Variants in CLIC5 observed in about 807,000 individuals in gnomAD.
CLIC5 encodes the protein chloride intracellular channel protein 5.
CLIC5 carries 20 observed loss-of-function variants against 24.7 expected under a neutral mutation model. The observed-to-expected ratio is 0.81, with a 90% CI of 0.57 to 1.18. CLIC5 has a LOEUF of 1.18. CLIC5 is among the 50% of genes most tolerant of loss of function. The probability of loss-of-function intolerance (pLI) is 0.00; values close to 1 mark genes in which losing one functional copy is unlikely to be tolerated. For synonymous variants in CLIC5, 159 were observed against 135.6 expected (o/e 1.17, Z -1.20); for missense variants, 341 against 326.1 (o/e 1.05, Z -0.35).
At position 45,978,323 on chromosome 6, in the gene CLIC5, C is replaced by G. The variant is rs1025857452; in HGVS notation, c.64-23079G>C. Among the ~76,000 whole-genome samples the G allele has an allele frequency of 2.0e-5, 3 of 152,258 alleles. No individual in the cohort carries two copies. In the South Asian group the frequency reaches 6.2e-4, roughly 32 times the overall value. ...TTCCTTGTCATTGTGTGATAAAATA[C>G]TCTTCTCTTTGACTGGGGATGGCTA... On this transcript the variant is annotated intron_variant, in intron 1 of 5. Coordinates refer to ENST00000339561, the MANE Select transcript of CLIC5 (RefSeq NM_016929.5).
intron 1 of CLIC5, among the ~76,000 whole-genome samples, chr6:46,071,861 A>T (rs1305943929): frequency 6.6e-6 from 1 of 152,222 alleles, no homozygotes; most frequent in African/African-American, 2.4e-5. Context: ...GGTAGACTGG[A>T]TAAAGAAAAT....
intron 1 of CLIC5, among the ~76,000 whole-genome samples, chr6:45,964,423 A>G (rs9357497): frequency 0.47 from 71,136 of 151,902 alleles, 17,861 homozygotes; most frequent in East Asian, 0.79. Flanking sequence ...GGCTTTTGTG[A>G]CTGCCTGGAT....
intron 1 of CLIC5, among the ~76,000 whole-genome samples, chr6:46,023,390 G>A (rs1238486878): frequency 6.6e-6 from 1 of 152,172 alleles, no homozygotes; most frequent in Non-Finnish European, 1.5e-5. Context: ...AAGGTCATGT[G>A]GATAGTTATA....
At chr6:46,019,017 A>T (rs1767096727), upstream of CLIC5, among the ~76,000 whole-genome samples, 1 of 152,136 alleles carries the variant, frequency 6.6e-6, no homozygotes, top group South Asian at 2.1e-4. Context: ...AGCCTGAGAA[A>T]AACTAGGTAT....
intron 1 of CLIC5, among the ~76,000 whole-genome samples, chr6:46,030,142 G>GT (rs1451805399): frequency 6.6e-6 from 1 of 152,092 alleles, no homozygotes; most frequent in Non-Finnish European, 1.5e-5. Context: ...CCTCCCTTGA[G>GT]TGTCCTAGTT....
the CLIC5 span, among the ~76,000 whole-genome samples, chr6:46,114,276 T>C: frequency 6.6e-6 from 1 of 152,206 alleles, no homozygotes; most frequent in African/African-American, 2.4e-5. Context: ...CTAGTTCCCA[T>C]ACCAGGGTTG....
intron 1 of CLIC5, among the ~76,000 whole-genome samples, chr6:45,966,046 C>T (rs1466828587): frequency 2.6e-5 from 4 of 152,122 alleles, no homozygotes; most frequent in Non-Finnish European, 4.4e-5. Context: ...TGAATATAGC[C>T]TCTTAATAGG....
intron 1 of CLIC5, among the ~76,000 whole-genome samples, chr6:45,999,649 T>G (rs1398297070): frequency 2.0e-5 from 3 of 151,848 alleles, no homozygotes; most frequent in Admixed American, 2.0e-4. Flanking sequence ...CTCAGCCTAC[T>G]CAATGTGAAG....
chr6:45,923,759 A>C (rs1325797429), intron 4 of CLIC5, among the ~76,000 whole-genome samples: 1 of 152,120 alleles, frequency 6.6e-6, no homozygotes, highest in Non-Finnish European at 1.5e-5. Context: ...TAAATGACAC[A>C]CTCTTGTTTA....
chr6:45,969,022 C>T (rs1765106681), intron 1 of CLIC5, among the ~76,000 whole-genome samples: 1 of 152,170 alleles, frequency 6.6e-6, no homozygotes, highest in African/African-American at 2.4e-5. Context: ...GCTTGAAAGA[C>T]ACTCTGTTCC....
chr6:45,906,782 G>A (rs192988134), intron 5 of CLIC5, among the ~76,000 whole-genome samples: 93 of 152,094 alleles, frequency 6.1e-4, no homozygotes, highest in East Asian at 4.3e-3. Context: ...GGCTGGTCTC[G>A]AACTCCCGAC....
In CLIC5 at chr6:45,941,554, G is replaced by A. The variant is rs1764130730; in HGVS notation, c.399C>T (p.Asn133=). 6.2e-7 allele frequency: 1 copy of A among 1,610,372 alleles called. No homozygotes were observed. Among genetic ancestry groups the A allele is most frequent in the South Asian group, 1.1e-5 (1 of 90,976 alleles). The stretch of plus-strand genomic sequence containing the variant: ...TGGAAGGGAGTCACTCACCAGCATT[G>A]TTCTGCTGCTTGGTATTTTTGATGT... ...SAYIKNTKQQ[N]NAALERGLTK... is the part of the protein sequence containing the mutation. The change falls in exon 4 of 6, where the codon AAC becomes AAT. Residue 133 remains asparagine (N), a synonymous_variant. Transcript: ENST00000339561.
intron 4 of CLIC5, among the ~76,000 whole-genome samples, chr6:45,931,939 T>C (rs6913874): frequency 0.021 from 3,176 of 151,676 alleles, 122 homozygotes; most frequent in African/African-American, 0.073. Context: ...GGATTATAGG[T>C]GTGTGCCACT....
chr6:46,057,770 C>A (rs1032399002), intron 1 of CLIC5, among the ~76,000 whole-genome samples: 3 of 152,212 alleles, frequency 2.0e-5, no homozygotes, highest in Non-Finnish European at 1.5e-5. Flanking sequence ...ATATGTGGTA[C>A]AACCTACACA....
intron 4 of CLIC5, among the ~76,000 whole-genome samples, chr6:45,919,896 A>G (rs1763186413): frequency 6.6e-6 from 1 of 152,194 alleles, no homozygotes. Flanking sequence ...AGAGAAAAAA[A>G]TGTTCAATCG....
chr6:46,022,183 G>C (rs1047283264), intron 1 of CLIC5, among the ~76,000 whole-genome samples: 3 of 152,194 alleles, frequency 2.0e-5, no homozygotes, highest in Non-Finnish European at 4.4e-5. Context: ...GTGTTTGTGT[G>C]TGTGTGTTAT....
rs67557243 is a variant in CLIC5 at position 46,036,306 on chromosome 6, C to CTTTTT, written c.540+43392_540+43396dup. Among the ~76,000 whole-genome samples the CTTTTT allele has an allele frequency of 3.7e-4, 33 of 88,184 alleles. 1 individual carries two copies. The highest frequency in any genetic ancestry group is 1.1e-3 in the African/African-American group (22 of 20,938). The allele number at this position is 88,184 out of a possible 152,430, so 57.9% of individuals were successfully genotyped here. On this transcript the variant is annotated intron_variant, in intron 1 of 5. Coordinates refer to the CLIC5 transcript ENST00000185206. Reference sequence around the variant, plus strand: ...TGTCTCCCCACCTAGACTGCAAGGTCTTTTTTTTTTTTTTTTTTTTTGAGA... The same window carrying CTTTTT: ...TGTCTCCCCACCTAGACTGCAAGGTCTTTTTTTTTTTTTTTTTTTTTTTTTTGAGA...
At chr6:45,897,430 G>T (rs1034723650), downstream of CLIC5, among the ~76,000 whole-genome samples, 2 of 151,990 alleles carry the variant, frequency 1.3e-5, no homozygotes, top group Non-Finnish European at 2.9e-5. Context: ...TGTGTGTAGG[G>T]TGGGGGAGTA....
At chr6:46,092,827 A>G in the CLIC5 span, among the ~76,000 whole-genome samples, 1 of 152,128 alleles carries the variant, frequency 6.6e-6, no homozygotes, top group African/African-American at 2.4e-5. Flanking sequence ...CTGCCCTATT[A>G]CTTCCATGTC....
Sources: allele counts gnomAD v4.1 joint callset (sites outside exome capture counted in the v4.1 genomes callset), GRCh38; gene constraint gnomAD v4.1.1; transcripts MANE v1.5; gene names NCBI Gene and HGNC (gene_info 2026-07-23, HGNC 2026-07-21).